The following SNX30 variants were observed in gnomAD, a reference collection of about 807,000 sequenced individuals.
The protein encoded by SNX30 is sorting nexin family member 30, also known as sorting nexin-30.
In SNX30, 24 loss-of-function variants were observed where a neutral mutation model predicts 46.4. The ratio of observed to expected loss-of-function variants is 0.52; its 90% confidence interval spans 0.37 to 0.73. The LOEUF (loss-of-function observed/expected upper bound fraction) is 0.73. SNX30 is among the 30% of genes least tolerant of loss of function. SNX30 has a pLI of 0.00. For missense variants in SNX30, 533 were observed against 555.7 expected, an observed-to-expected ratio of 0.96 and a Z score of 0.41; for synonymous variants, 189 against 211.5, an observed-to-expected ratio of 0.89 and a Z score of 0.92.
At chr9:112,793,085 T>A (rs1840052588) in intron 1 of SNX30, among the ~76,000 whole-genome samples, 2 of 152,212 alleles carry the variant, frequency 1.3e-5, no homozygotes, top group Admixed American at 1.3e-4. Context: ...TCTGATGAGA[T>A]AATAATTCAG....
At chr9:112,767,631 C>A (rs912178629) in intron 1 of SNX30, among the ~76,000 whole-genome samples, 1 of 151,932 alleles carries the variant, frequency 6.6e-6, no homozygotes, top group Non-Finnish European at 1.5e-5. Context: ...ACTCTGTCGC[C>A]CAGGCTGGAG....
intron 7 of SNX30, among the ~76,000 whole-genome samples, chr9:112,862,563 C>T (rs1006321799): frequency 1.3e-5 from 2 of 152,052 alleles, no homozygotes; most frequent in African/African-American, 4.8e-5. Context: ...AATGGGTGGT[C>T]TTGGGAGGAG....
chr9:112,777,603 T>TA (rs1182516362), intron 1 of SNX30, among the ~76,000 whole-genome samples: 29 of 4,674 alleles, frequency 6.2e-3, no homozygotes, highest in African/African-American at 0.026. Context: ...GTTTTTAATT[T>TA]TTTTTTTTTT....
At chr9:112,875,466 A>G (rs143962873), downstream of SNX30, among the ~76,000 whole-genome samples, 36 of 152,358 alleles carry the variant, frequency 2.4e-4, no homozygotes, top group Non-Finnish European at 4.0e-4. Context: ...ATAAGGCAGC[A>G]AGCTGAATAA....
intron 6 of SNX30, among the ~76,000 whole-genome samples, chr9:112,843,951 A>C (rs1459427946): frequency 6.6e-6 from 1 of 152,156 alleles, no homozygotes; most frequent in Non-Finnish European, 1.5e-5. Flanking sequence ...AAGAGAAGCC[A>C]TTTGGTTTTA....
intron 1 of SNX30, among the ~76,000 whole-genome samples, chr9:112,783,037 T>A (rs1391412050): frequency 6.6e-6 from 1 of 152,232 alleles, no homozygotes; most frequent in Non-Finnish European, 1.5e-5. Flanking sequence ...TGGCTTGATT[T>A]ATTTTTCTGC....
chr9:112,827,423 A>T (rs1030670014), intron 3 of SNX30, among the ~76,000 whole-genome samples: 9 of 152,242 alleles, frequency 5.9e-5, no homozygotes, highest in African/African-American at 2.2e-4. Flanking sequence ...CCCAGGAAGC[A>T]TGGCATCAGA....
intron 2 of SNX30, among the ~76,000 whole-genome samples, chr9:112,815,359 CTTTT>C (rs201531415): frequency 2.1e-5 from 3 of 140,682 alleles, no homozygotes; most frequent in Non-Finnish European, 3.1e-5. Context: ...AATAGTGTAA[CTTTT>C]TTTTTTTTTT....
chr9:112,879,432 T>C (rs1243454138), downstream of SNX30: 7 of 259,300 alleles, frequency 2.7e-5, no homozygotes, highest in Non-Finnish European at 5.2e-5. Context: ...AGGCTCGCTG[T>C]AGCTGGAGTC....
chr9:112,805,364 G>A (rs1840210373), intron 2 of SNX30, among the ~76,000 whole-genome samples: 3 of 152,228 alleles, frequency 2.0e-5, no homozygotes, highest in African/African-American at 7.2e-5. Context: ...AGCAGGAGGA[G>A]GAATAATGGG....
At chr9:112,788,959 C>A (rs1839974258) in intron 1 of SNX30, among the ~76,000 whole-genome samples, 1 of 152,100 alleles carries the variant, frequency 6.6e-6, no homozygotes, top group Admixed American at 6.5e-5. Context: ...CCACGCCCAG[C>A]TAATTTTTGT....
chr9:112,866,364 A>G, intron 8 of SNX30: 1 of 449,334 alleles, frequency 2.2e-6, no homozygotes, highest in South Asian at 1.6e-5. Flanking sequence ...CTTGGAAAAC[A>G]TATATTCCAG....
chr9:112,842,732 G>A (rs1803323234), intron 6 of SNX30, among the ~76,000 whole-genome samples: 1 of 152,188 alleles, frequency 6.6e-6, no homozygotes, highest in African/African-American at 2.4e-5. Flanking sequence ...TCTCTTTCAG[G>A]ACAATTGTGG....
intron 1 of SNX30, among the ~76,000 whole-genome samples, chr9:112,774,647 A>G (rs1430171332): frequency 1.3e-5 from 2 of 152,120 alleles, no homozygotes; most frequent in Admixed American, 6.5e-5. Flanking sequence ...AGTTTTAGCC[A>G]TTCTAGTGAG....
intron 1 of SNX30, among the ~76,000 whole-genome samples, chr9:112,794,435 G>A (rs1840076176): frequency 6.6e-6 from 1 of 152,208 alleles, no homozygotes; most frequent in African/African-American, 2.4e-5. Context: ...ACAGGTGTGA[G>A]CCACTGCGCG....
At chr9:112,859,862 G>T (rs540427991) in intron 7 of SNX30, among the ~76,000 whole-genome samples, 3 of 152,088 alleles carry the variant, frequency 2.0e-5, no homozygotes, top group African/African-American at 7.2e-5. Flanking sequence ...AGTGTGAGGT[G>T]CTATCTCACT....
At chr9:112,756,394 C>T (rs910204560) in intron 1 of SNX30, among the ~76,000 whole-genome samples, 1 of 150,796 alleles carries the variant, frequency 6.6e-6, no homozygotes, top group Non-Finnish European at 1.5e-5. Context: ...GTCCAACTCT[C>T]CAAAATTACC....
At chr9:112,865,657 A>ATGTGTGTG (rs1399648106) in intron 8 of SNX30, among the ~76,000 whole-genome samples, 1 of 81,434 alleles carries the variant, frequency 1.2e-5, no homozygotes, top group East Asian at 3.8e-4. Context: ...ATATATATAT[A>ATGTGTGTG]TATATGTATG....
chr9:112,883,488 G>A (rs1474113042), downstream of SNX30, among the ~76,000 whole-genome samples: 4 of 151,908 alleles, frequency 2.6e-5, no homozygotes, highest in Middle Eastern at 6.8e-3. Context: ...GAGAATAATA[G>A]TAATTACCAT....
Sources: gnomAD v4.1 joint callset for allele counts (sites outside exome capture counted in the v4.1 genomes callset) on GRCh38, gnomAD v4.1.1 for gene constraint, MANE v1.5 for transcripts, NCBI Gene and HGNC (gene_info 2026-07-23, HGNC 2026-07-21) for gene names.